IQGAP1: variants seen among roughly 807,000 people sequenced by gnomAD.
The protein encoded by IQGAP1 is ras GTPase-activating-like protein IQGAP1.
IQGAP1 carries 66 observed loss-of-function variants against 215.6 expected under a neutral mutation model. That is an observed-to-expected ratio of 0.31 (90% CI 0.25 to 0.38). IQGAP1 has a LOEUF of 0.38. IQGAP1 is among the 10% of genes least tolerant of loss of function. IQGAP1 has a pLI of 1.00. For synonymous variants in IQGAP1, 772 were observed against 728.7 expected (o/e 1.06, Z -0.96); for missense variants, 1,712 against 1,997.1 (o/e 0.86, Z 2.72).
chr15:90,402,557 C>A (rs540868785), intron 2 of IQGAP1, among the ~76,000 whole-genome samples: 18 of 152,242 alleles, frequency 1.2e-4, no homozygotes, highest in African/African-American at 2.4e-4. Flanking sequence ...ACACACTGGG[C>A]TCTAAGAACT....
intron 2 of IQGAP1, among the ~76,000 whole-genome samples, chr15:90,407,187 G>A (rs140291775): frequency 1.2e-4 from 18 of 152,350 alleles, no homozygotes; most frequent in African/African-American, 4.1e-4. Flanking sequence ...TTGAGACTTA[G>A]TTGTTGCTCT....
chr15:90,477,808 A>C lies in IQGAP1; in HGVS notation c.3248A>C (p.Lys1083Thr). 1 of 1,614,044 alleles carries C rather than the reference A, an allele frequency of 6.2e-7. No individual in the cohort carries two copies. Among genetic ancestry groups the C allele is most frequent in the Non-Finnish European group, 8.5e-7 (1 of 1,180,000 alleles). ...GTCGTGAAGGAAATTATGGATGACA[A>C]ATCTCTCAACATCAAAACTGACCCT... Reference protein sequence around the residue: ...APVVKEIMDDKSLNIKTDPVD... With the variant: ...APVVKEIMDDTSLNIKTDPVD... Residue 1083 changes from lysine (K) to threonine (T), a missense_variant, in exon 26 of 38, where the codon AAA becomes ACA. By Grantham distance (78) the Lys-to-Thr change is moderately conservative (BLOSUM62 -1). Coordinates refer to ENST00000268182, the MANE Select transcript of IQGAP1 (RefSeq NM_003870.4).
intron 2 of IQGAP1, among the ~76,000 whole-genome samples, chr15:90,402,801 C>G (rs1035045275): frequency 6.6e-6 from 1 of 151,978 alleles, no homozygotes. Context: ...AAAAAACTTA[C>G]AATCATTAAA....
intron 30 of IQGAP1, among the ~76,000 whole-genome samples, chr15:90,484,703 G>A (rs1966103082): frequency 6.6e-6 from 1 of 152,074 alleles, no homozygotes; most frequent in Non-Finnish European, 1.5e-5. Flanking sequence ...TAGAGACGGG[G>A]TTTCACTGTG....
intron 5 of IQGAP1, among the ~76,000 whole-genome samples, chr15:90,435,562 A>T (rs760949089): frequency 6.6e-6 from 1 of 152,226 alleles, no homozygotes; most frequent in Non-Finnish European, 1.5e-5. Flanking sequence ...TTAGTGTTGC[A>T]TGAGATTTGT....
chr15:90,484,495 G>T (rs773405795), intron 30 of IQGAP1, 143 bp downstream of exon 30: 1 of 632,850 alleles, frequency 1.6e-6, no homozygotes, highest in East Asian at 3.0e-5. Context: ...TTTTTTGCTT[G>T]TTATTCTTTT....
At chr15:90,426,024 A>T in intron 2 of IQGAP1, 86 bp from the exon 3 acceptor site, 4 of 1,305,720 alleles carry the variant, frequency 3.1e-6, no homozygotes, top group Non-Finnish European at 4.2e-6. Context: ...AGCTTCTCCA[A>T]GGAGAATGGA....
intron 2 of IQGAP1, among the ~76,000 whole-genome samples, chr15:90,412,112 AT>A (rs1303897158): frequency 1.3e-5 from 2 of 152,200 alleles, no homozygotes; most frequent in Non-Finnish European, 2.9e-5. Flanking sequence ...ATTCTATCTG[AT>A]TATGCTAAGA....
At chr15:90,389,954 C>CA (rs5814431) in intron 1 of IQGAP1, among the ~76,000 whole-genome samples, 104 of 125,170 alleles carry the variant, frequency 8.3e-4, no homozygotes, top group Middle Eastern at 4.3e-3. Flanking sequence ...GACCCTGTCT[C>CA]AAAAAAAAAA....
intron 2 of IQGAP1, among the ~76,000 whole-genome samples, chr15:90,399,378 T>C (rs1009760796): frequency 6.6e-6 from 1 of 152,236 alleles, no homozygotes; most frequent in Non-Finnish European, 1.5e-5. Context: ...TATTTGTTTA[T>C]CAGTATTATT....
chr15:90,440,353 C>T (rs1282460048), intron 6 of IQGAP1, 149 bp from the exon 7 acceptor site: 2 of 584,358 alleles, frequency 3.4e-6, no homozygotes, highest in African/African-American at 3.8e-5. Context: ...GTGTTAAGTG[C>T]TTTCCATACA....
chr15:90,467,639 T>C, intron 18 of IQGAP1, 47 bp downstream of exon 18: 1 of 1,558,938 alleles, frequency 6.4e-7, no homozygotes, highest in Admixed American at 1.9e-5. Context: ...GAAAGTGTTT[T>C]CAAGCTATAA....
chr15:90,408,779 A>G (rs892358674), intron 2 of IQGAP1, among the ~76,000 whole-genome samples: 11 of 152,088 alleles, frequency 7.2e-5, no homozygotes. Flanking sequence ...TTAACATGCT[A>G]TCACTTAAAA....
intron 5 of IQGAP1, among the ~76,000 whole-genome samples, chr15:90,438,237 TC>T (rs1596266050): frequency 6.6e-6 from 1 of 152,232 alleles, no homozygotes; most frequent in Admixed American, 6.5e-5. Flanking sequence ...CTTGCTTTTG[TC>T]AGTATCTGTA....
In IQGAP1 at chr15:90,456,957, G is replaced by A. The variant is rs559310527; in HGVS notation, c.1776+642G>A. On this transcript the variant is annotated intron_variant, in intron 15 of 37. Coordinates refer to ENST00000268182, the MANE Select transcript of IQGAP1 (RefSeq NM_003870.4). Reference sequence around the variant, plus strand: ...ATATATACGTATATATATAATATACGTATATATACATATATACGATCCAGA... The same window carrying A: ...ATATATACGTATATATATAATATACATATATATACATATATACGATCCAGA... Among the ~76,000 whole-genome samples the A allele has an allele frequency of 3.8e-5, 5 of 132,094 alleles. No individual in the cohort carries two copies. The East Asian group carries it at 6.7e-4, about 18-fold the overall frequency. The allele number at this position is 132,094 out of a possible 152,430, so 86.7% of individuals were successfully genotyped here.
In IQGAP1 at chr15:90,440,497, T is replaced by C; in HGVS notation, c.536-5T>C. The stretch of plus-strand genomic sequence containing the variant: ...GATTGACTGATTATTAATTCCCTCC[T>C]GTAGAAGAAGAAATCAACAACATGA... On this transcript the variant is annotated splice_polypyrimidine_tract_variant and splice_region_variant and intron_variant, in intron 6 of 37. Coordinates refer to ENST00000268182, the MANE Select transcript of IQGAP1 (RefSeq NM_003870.4). 6.5e-7 allele frequency: 1 copy of C among 1,549,424 alleles called. No individual in the cohort carries two copies. The highest frequency in any genetic ancestry group is 1.2e-5 in the South Asian group (1 of 84,300).
At chr15:90,499,732 A>G (rs1966317273) in intron 37 of IQGAP1, among the ~76,000 whole-genome samples, 1 of 152,346 alleles carries the variant, frequency 6.6e-6, no homozygotes, top group East Asian at 1.9e-4. Context: ...ATGAATTTTG[A>G]TATGAACAAC....
intron 2 of IQGAP1, among the ~76,000 whole-genome samples, chr15:90,392,527 C>T (rs1323978620): frequency 1.3e-5 from 2 of 152,108 alleles, no homozygotes; most frequent in East Asian, 1.9e-4. Context: ...ACACACCTTC[C>T]TTCCCCCATC....
intron 2 of IQGAP1, among the ~76,000 whole-genome samples, chr15:90,416,036 ATACTT>A (rs1965042297): frequency 6.6e-6 from 1 of 151,420 alleles, no homozygotes; most frequent in African/African-American, 2.4e-5. Flanking sequence ...TTTATTTATT[ATACTT>A]TAAGTTCCAG....
Sources: allele counts gnomAD v4.1 joint callset (sites outside exome capture counted in the v4.1 genomes callset), GRCh38; gene constraint gnomAD v4.1.1; transcripts MANE v1.5; gene names NCBI Gene and HGNC (gene_info 2026-07-23, HGNC 2026-07-21).